ARHGAP15: variants seen among roughly 807,000 people sequenced by gnomAD.
ARHGAP15 encodes the protein Rho GTPase activating protein 15, also known as rho GTPase-activating protein 15.
A neutral mutation model predicts 63.7 loss-of-function variants in ARHGAP15; 51 were observed. That is an observed-to-expected ratio of 0.80 (90% confidence interval 0.64 to 1.01). The LOEUF is 1.01. Ranked by LOEUF, ARHGAP15 falls within the 50% of genes least tolerant of loss-of-function variation. The pLI, the probability that ARHGAP15 is intolerant of heterozygous loss-of-function variation, is 0.00. For synonymous variants in ARHGAP15, 191 were observed against 193.8 expected (o/e 0.99, Z 0.12); for missense variants, 560 against 564.6 (o/e 0.99, Z 0.08).
intron 1 of ARHGAP15, among the ~76,000 whole-genome samples, chr2:143,153,998 G>T: frequency 6.7e-6 from 1 of 148,700 alleles, no homozygotes; most frequent in African/African-American, 2.5e-5. Flanking sequence ...TCCTTTTTAT[G>T]GTTTATTGTT....
chr2:143,488,886 A>C (rs1169113327), intron 9 of ARHGAP15, among the ~76,000 whole-genome samples: 1 of 152,188 alleles, frequency 6.6e-6, no homozygotes, highest in African/African-American at 2.4e-5. Context: ...TTTAAATCAG[A>C]GTTGCCTCAG....
intron 11 of ARHGAP15, among the ~76,000 whole-genome samples, chr2:143,573,815 T>C (rs917417987): frequency 6.6e-6 from 1 of 152,130 alleles, no homozygotes; most frequent in African/African-American, 2.4e-5. Flanking sequence ...CCAGTTCTAG[T>C]TGTTGGAAAC....
chr2:143,373,897 G>C lies in ARHGAP15; in HGVS notation c.475-61704G>C, dbSNP rs191978129. 1.6e-3 allele frequency among the ~76,000 whole-genome samples: 251 copies of C among 152,180 alleles called. 1 individual carries two copies. Among genetic ancestry groups the C allele is most frequent in the African/African-American group, 5.9e-3 (244 of 41,514 alleles). ...AATGAAAGAATAAAACATAATTATT[G>C]AGTTACTCATGAACAAGAAATCCCA... On this transcript the variant is annotated intron_variant, in intron 6 of 13. Transcript: ENST00000295095.
At chr2:143,268,812 G>A (rs1460616258) in intron 6 of ARHGAP15, among the ~76,000 whole-genome samples, 1 of 152,006 alleles carries the variant, frequency 6.6e-6, no homozygotes. Context: ...TTCAAATTAA[G>A]AGTAAGATAG....
At chr2:143,714,433 T>C (rs1263116622) in intron 13 of ARHGAP15, among the ~76,000 whole-genome samples, 3 of 152,232 alleles carry the variant, frequency 2.0e-5, no homozygotes, top group Admixed American at 6.5e-5. Flanking sequence ...CATGAAGGTC[T>C]CTGACATGGC....
chr2:143,684,134 T>A (rs1309246191), intron 12 of ARHGAP15, among the ~76,000 whole-genome samples: 1 of 152,200 alleles, frequency 6.6e-6, no homozygotes, highest in Non-Finnish European at 1.5e-5. Context: ...TTGAAAAATG[T>A]GTACAAGAAT....
intron 1 of ARHGAP15, among the ~76,000 whole-genome samples, chr2:143,145,837 GGGGTGT>G (rs201550986): frequency 1.0e-5 from 1 of 96,724 alleles, no homozygotes; most frequent in Non-Finnish European, 2.1e-5. Flanking sequence ...TATATGTATA[GGGGTGT>G]GTGTGTGTGT....
chr2:143,659,511 G>A (rs536959582), intron 12 of ARHGAP15, among the ~76,000 whole-genome samples: 4 of 152,152 alleles, frequency 2.6e-5, no homozygotes, highest in African/African-American at 9.7e-5. Flanking sequence ...GCTGGGTAGT[G>A]ATTTCCTGGG....
intron 6 of ARHGAP15, among the ~76,000 whole-genome samples, chr2:143,267,805 T>G (rs775008716): frequency 8.5e-5 from 13 of 152,198 alleles, no homozygotes; most frequent in Non-Finnish European, 1.6e-4. Context: ...GTTGAGTATC[T>G]TTGTTATTGG....
intron 11 of ARHGAP15, chr2:143,587,704 C>T (rs1289393977): frequency 2.1e-6 from 1 of 469,874 alleles, no homozygotes; most frequent in Non-Finnish European, 4.4e-6. Context: ...GGAATACCAG[C>T]CCTTCTATCA....
intron 6 of ARHGAP15, among the ~76,000 whole-genome samples, chr2:143,262,362 A>G (rs1308218838): frequency 6.6e-6 from 1 of 152,106 alleles, no homozygotes. Flanking sequence ...AAATAAAAAT[A>G]AAAAAGCTCC....
At chr2:143,244,637 TGGA>T (rs1693979778) in intron 5 of ARHGAP15, among the ~76,000 whole-genome samples, 1 of 152,034 alleles carries the variant, frequency 6.6e-6, no homozygotes, top group Non-Finnish European at 1.5e-5. Context: ...GAGGGATGGT[TGGA>T]GGAGGACAGA....
At chr2:143,471,071 TAC>T (rs1033249966) in intron 8 of ARHGAP15, among the ~76,000 whole-genome samples, 1 of 149,710 alleles carries the variant, frequency 6.7e-6, no homozygotes, top group Non-Finnish European at 1.5e-5. Context: ...ACACATATGA[TAC>T]ACATGTATAA....
At chr2:143,609,258 A>C (rs1007681657) in intron 11 of ARHGAP15, among the ~76,000 whole-genome samples, 4 of 152,182 alleles carry the variant, frequency 2.6e-5, no homozygotes, top group African/African-American at 9.6e-5. Context: ...TACTGGCTCA[A>C]TTCTCTCTCT....
At chr2:143,565,579 T>G (rs542739291) in intron 11 of ARHGAP15, among the ~76,000 whole-genome samples, 3 of 152,348 alleles carry the variant, frequency 2.0e-5, no homozygotes, top group Admixed American at 6.5e-5. Flanking sequence ...TATTTTACAT[T>G]ATATTTTCTC....
intron 6 of ARHGAP15, among the ~76,000 whole-genome samples, chr2:143,280,097 A>G (rs1681766736): frequency 6.6e-6 from 1 of 152,216 alleles, no homozygotes; most frequent in Non-Finnish European, 1.5e-5. Flanking sequence ...ACAAGTCAAA[A>G]TGACAGATTC....
At chr2:143,633,768 G>C (rs1680167195) in intron 12 of ARHGAP15, among the ~76,000 whole-genome samples, 1 of 152,134 alleles carries the variant, frequency 6.6e-6, no homozygotes, top group Non-Finnish European at 1.5e-5. Context: ...TGAGTGGTTG[G>C]TTTTCACTGC....
intron 6 of ARHGAP15, among the ~76,000 whole-genome samples, chr2:143,371,039 GT>G (rs1686526256): frequency 6.6e-6 from 1 of 151,980 alleles, no homozygotes; most frequent in Admixed American, 6.6e-5. Context: ...AATTTTATTT[GT>G]TTTTATTTAT....
chr2:143,561,515 C>CTT (rs34149132), intron 11 of ARHGAP15, among the ~76,000 whole-genome samples: 4 of 138,130 alleles, frequency 2.9e-5, no homozygotes, highest in East Asian at 2.1e-4. Context: ...TTTTCTTTTT[C>CTT]TTTTTTTTTT....
Sources: gnomAD v4.1 joint callset for allele counts (sites outside exome capture counted in the v4.1 genomes callset) on GRCh38, gnomAD v4.1.1 for gene constraint, MANE v1.5 for transcripts, NCBI Gene and HGNC (gene_info 2026-07-23, HGNC 2026-07-21) for gene names.